The following CBLL1 variants were observed in gnomAD, a reference collection of about 807,000 sequenced individuals.
CBLL1 encodes Cbl proto-oncogene like 1, also known as E3 ubiquitin-protein ligase Hakai.
CBLL1 carries 4 observed loss-of-function variants against 44.9 expected under a neutral mutation model. The observed-to-expected ratio is 0.09, with a 90% confidence interval of 0.04 to 0.20. The LOEUF is 0.20. Among genes scored for constraint, CBLL1 ranks in the 10% least tolerant of loss-of-function variants. The pLI is 1.00. For synonymous variants in CBLL1, 235 were observed against 202.2 expected (o/e 1.16, Z -1.38); for missense variants, 569 against 636.7 (o/e 0.89, Z 1.14).
At chr7:107,757,025 C>T (rs1430460403) in intron 5 of CBLL1, among the ~76,000 whole-genome samples, 1 of 152,028 alleles carries the variant, frequency 6.6e-6, no homozygotes, top group East Asian at 1.9e-4. Flanking sequence ...TGCCAGATGG[C>T]CACTAAAGGG....
chr7:107,750,084 A>G (rs1427153318), intron 2 of CBLL1, among the ~76,000 whole-genome samples: 1 of 151,832 alleles, frequency 6.6e-6, no homozygotes, highest in African/African-American at 2.4e-5. Context: ...AGCTGGGACT[A>G]CAGGTGCACC....
intron 5 of CBLL1, among the ~76,000 whole-genome samples, chr7:107,757,724 T>G (rs1242261430): frequency 6.6e-6 from 1 of 152,228 alleles, no homozygotes; most frequent in Non-Finnish European, 1.5e-5. Flanking sequence ...CCACTTAGTA[T>G]TATTTGCTCA....
chr7:107,758,242 A>G lies in CBLL1; in HGVS notation c.540A>G (p.Arg180=), dbSNP rs1793619450. 1 of 1,613,994 alleles carries G rather than the reference A, an allele frequency of 6.2e-7. No individual in the cohort carries two copies. Residue 180 remains arginine, a synonymous_variant, in exon 6 of 6, where the codon AGA becomes AGG. Transcript: ENST00000440859. The surrounding 1 kb of genome is among the most constrained non-coding windows in gnomAD (Gnocchi z 4.2). ...GCAAGAGAACATATTTGTCTCAGAG[A>G]GACTTACAGGCTCATATCAACCATC... ...QGCKRTYLSQ[R]DLQAHINHRH...
rs961979408 is a variant in CBLL1 at position 107,758,067 on chromosome 7, C to T, written c.441-76C>T. ...TTATGTAACAGTCAAATTTTAAAAA[C>T]AAGCATATTTTTGAAAATTACATAA... On this transcript the variant is annotated intron_variant, in intron 5 of 5. Transcript: ENST00000440859. The surrounding 1 kb of genome is among the most constrained non-coding windows in gnomAD (Gnocchi z 4.2). 31 of 1,317,938 alleles carry T rather than the reference C, an allele frequency of 2.4e-5. No homozygotes were observed. The highest frequency in any genetic ancestry group is 4.5e-5 in the African/African-American group (3 of 66,836). 81.6% of individuals were successfully genotyped at this position (1,317,938 alleles called of 1,614,324 possible). A position where few individuals can be genotyped will look rare whatever the true frequency, so the allele number is the denominator to read the frequency against.
At chr7:107,756,770 A>G (rs1793546679) in intron 5 of CBLL1, among the ~76,000 whole-genome samples, 2 of 152,158 alleles carry the variant, frequency 1.3e-5, no homozygotes, top group South Asian at 4.1e-4. Flanking sequence ...TAATGTACTA[A>G]CCTTACTAAT....
At position 107,760,042 on chromosome 7, in the gene CBLL1, T is replaced by C. The variant is rs1793707776; in HGVS notation, c.*864T>C. The C allele has an allele frequency of 1.3e-5, 2 of 152,310 alleles. No individual in the cohort carries two copies. The highest frequency in any genetic ancestry group is 4.8e-5 in the African/African-American group (2 of 41,464). 9.4% of individuals were successfully genotyped at this position (152,310 alleles called of 1,614,324 possible). A position where few individuals can be genotyped will look rare whatever the true frequency, so the allele number is the denominator to read the frequency against. ...ACTGATCTTAAGTAACATTATTTTATAGAACTGTTTAAATGGGTTTAAATG... is the reference window on the plus strand; with the variant it reads ...ACTGATCTTAAGTAACATTATTTTACAGAACTGTTTAAATGGGTTTAAATG... On this transcript the variant is annotated 3_prime_UTR_variant, in exon 6 of 6. Coordinates refer to ENST00000440859, the MANE Select transcript of CBLL1 (RefSeq NM_024814.4).
Position 107,758,066 on chromosome 7 carries a change from AC to A in CBLL1, c.441-76del, listed in dbSNP as rs1343098258. 3.0e-6 allele frequency: 4 copies of A among 1,322,462 alleles called. No homozygotes were observed. Among genetic ancestry groups the A allele is most frequent in the Non-Finnish European group, 4.1e-6 (4 of 973,622 alleles). 81.9% of individuals were successfully genotyped at this position (1,322,462 alleles called of 1,614,324 possible). ...TTTATGTAACAGTCAAATTTTAAAA[AC>A]AAGCATATTTTTGAAAATTACATAA... is the stretch of plus-strand genomic sequence containing the variant. On this transcript the variant is annotated intron_variant, in intron 5 of 5. Transcript: ENST00000440859. This position sits in a 1 kb window ranked among gnomAD's most constrained non-coding sequence, Gnocchi z 4.2.
intron 2 of CBLL1, among the ~76,000 whole-genome samples, chr7:107,750,249 A>G (rs1793224673): frequency 6.6e-6 from 1 of 151,660 alleles, no homozygotes; most frequent in Admixed American, 6.6e-5. Flanking sequence ...TGCCTGGCCT[A>G]TATTGTATAT....
At chr7:107,745,519 T>G (rs1792972187) in intron 1 of CBLL1, among the ~76,000 whole-genome samples, 1 of 152,204 alleles carries the variant, frequency 6.6e-6, no homozygotes, top group South Asian at 2.1e-4. Flanking sequence ...TGGTAAACGT[T>G]TGAATTTTAA....
At chr7:107,751,735 T>A (rs943758295) in intron 2 of CBLL1, among the ~76,000 whole-genome samples, 4 of 152,202 alleles carry the variant, frequency 2.6e-5, no homozygotes, top group Non-Finnish European at 5.9e-5. Flanking sequence ...TTTTCTCTCC[T>A]TTCCCTCTCG....
chr7:107,746,889 G>A (rs577799510), intron 1 of CBLL1, among the ~76,000 whole-genome samples: 117 of 151,384 alleles, frequency 7.7e-4, no homozygotes, highest in African/African-American at 2.8e-3. Context: ...CCCAGATTTT[G>A]TAAAATATTT....
In CBLL1 at chr7:107,758,167, T is replaced by C; in HGVS notation, c.465T>C (p.Ile155=). The C allele has an allele frequency of 6.2e-7, 1 of 1,608,204 alleles. No individual in the cohort carries two copies. Among genetic ancestry groups the C allele is most frequent in the Non-Finnish European group, 8.5e-7 (1 of 1,175,422 alleles). ...GCTGTAGTGATCCTGTGCAGCGAATTGAGCAGTGTACACGAGGTTCTCTCT... is the reference window on the plus strand; with the variant it reads ...GCTGTAGTGATCCTGTGCAGCGAATCGAGCAGTGTACACGAGGTTCTCTCT... ...CPGCSDPVQR[I]EQCTRGSLFM... The change falls in exon 6 of 6, where the codon ATT becomes ATC. Residue 155 remains isoleucine (I), a synonymous_variant. Transcript: ENST00000440859. This position sits in a 1 kb window ranked among gnomAD's most constrained non-coding sequence, Gnocchi z 4.2.
At chr7:107,751,065 A>C (rs1307797302) in intron 2 of CBLL1, among the ~76,000 whole-genome samples, 1 of 151,920 alleles carries the variant, frequency 6.6e-6, no homozygotes, top group Non-Finnish European at 1.5e-5. Flanking sequence ...ATGTTAAAGC[A>C]GCAGTCCCTA....
chr7:107,744,288 G>C (rs1792886928), intron 1 of CBLL1, 112 bp downstream of exon 1: 1 of 1,274,896 alleles, frequency 7.8e-7, no homozygotes. Context: ...CTAGGGTGTG[G>C]CAGTGAGAAG....
At position 107,758,051 on chromosome 7, in the gene CBLL1, A is replaced by T; in HGVS notation, c.441-92A>T. ...GGACTTTTGCTATGTTTTATGTAACAGTCAAATTTTAAAAACAAGCATATT... is the reference window on the plus strand; with the variant it reads ...GGACTTTTGCTATGTTTTATGTAACTGTCAAATTTTAAAAACAAGCATATT... On this transcript the variant is annotated intron_variant, in intron 5 of 5. Coordinates refer to ENST00000440859, the MANE Select transcript of CBLL1 (RefSeq NM_024814.4). This position sits in a 1 kb window ranked among gnomAD's most constrained non-coding sequence, Gnocchi z 4.2. 8.7e-7 allele frequency: 1 copy of T among 1,143,980 alleles called. No homozygotes were observed. Among genetic ancestry groups the T allele is most frequent in the Non-Finnish European group, 1.2e-6 (1 of 819,606 alleles). The allele number at this position is 1,143,980 out of a possible 1,614,324, so 70.9% of individuals were successfully genotyped here. A position where few individuals can be genotyped will look rare whatever the true frequency, so the allele number is the denominator to read the frequency against.
At chr7:107,756,330 A>G (rs1049354024) in intron 5 of CBLL1, among the ~76,000 whole-genome samples, 4 of 152,204 alleles carry the variant, frequency 2.6e-5, no homozygotes, top group African/African-American at 9.6e-5. Context: ...TTTATGGTGT[A>G]GGAAAATTTG....
At chr7:107,744,256 G>A (rs935014216) in intron 1 of CBLL1, 80 bp downstream of exon 1, 4 of 1,445,026 alleles carry the variant, frequency 2.8e-6, no homozygotes, top group Non-Finnish European at 3.7e-6. Context: ...CAGGCAAAAG[G>A]GATTATGCTC....
intron 1 of CBLL1, among the ~76,000 whole-genome samples, chr7:107,746,240 TA>T (rs774779544): frequency 3.3e-5 from 5 of 152,318 alleles, no homozygotes; most frequent in African/African-American, 4.8e-5. Context: ...GAAATCATAA[TA>T]GGGGTGAGTG....
rs1044716198 is a variant in CBLL1 at position 107,760,896 on chromosome 7, A to G, written c.*1718A>G. On this transcript the variant is annotated 3_prime_UTR_variant, in exon 6 of 6. Coordinates refer to ENST00000440859, the MANE Select transcript of CBLL1 (RefSeq NM_024814.4). ...AACCTTGACTGGCCAAAAATAACTA[A>G]TAAACTTTTTTGTTTTAAGTCAGGC... The G allele has an allele frequency of 7.0e-6, 1 of 142,264 alleles. No individual in the cohort carries two copies. The highest frequency in any genetic ancestry group is 7.4e-5 in the Admixed American group (1 of 13,484). The allele number at this position is 142,264 out of a possible 1,614,324, so 8.8% of individuals were successfully genotyped here.
Sources: gnomAD v4.1 joint callset for allele counts (sites outside exome capture counted in the v4.1 genomes callset) on GRCh38, gnomAD v4.1.1 for gene constraint, Gnocchi (gnomAD v3.1) non-coding constraint, MANE v1.5 for transcripts, NCBI Gene and HGNC (gene_info 2026-07-23, HGNC 2026-07-21) for gene names.